ADAMTS2: variants seen among roughly 807,000 people sequenced by gnomAD.
The protein encoded by ADAMTS2 is A disintegrin and metalloproteinase with thrombospondin motifs 2.
A neutral mutation model predicts 123.0 loss-of-function variants in ADAMTS2; 50 were observed. The observed-to-expected ratio is 0.41, with a 90% CI of 0.32 to 0.51. The LOEUF is 0.51. Ranked by LOEUF, ADAMTS2 falls within the 20% of genes least tolerant of loss-of-function variation. ADAMTS2 has a pLI of 0.35. For synonymous variants in ADAMTS2, 678 were observed against 695.4 expected, an observed-to-expected ratio of 0.98 and a Z score of 0.39; for missense variants, 1,494 against 1,705.2, an observed-to-expected ratio of 0.88 and a Z score of 2.18.
intron 3 of ADAMTS2, among the ~76,000 whole-genome samples, chr5:179,220,680 T>C (rs1400949988): frequency 6.6e-6 from 1 of 152,172 alleles, no homozygotes; most frequent in Non-Finnish European, 1.5e-5. Context: ...CCCTCTGTAC[T>C]GCCCACGCTC....
chr5:179,122,159 C>T (rs1448111646), intron 20 of ADAMTS2, among the ~76,000 whole-genome samples: 2 of 152,162 alleles, frequency 1.3e-5, no homozygotes, highest in Admixed American at 6.5e-5. Flanking sequence ...GGTGCCTAGA[C>T]CCCCCAGAGC....
In ADAMTS2 at chr5:179,180,326, C is replaced by T. The variant is rs533648258; in HGVS notation, c.975+746G>A. Among the ~76,000 whole-genome samples, 49 of 152,230 alleles carry T rather than the reference C, an allele frequency of 3.2e-4. No individual in the cohort carries two copies. Among genetic ancestry groups the T allele is most frequent in the Middle Eastern group, 3.4e-3 (1 of 294 alleles). ...GGTTTGGCTGCAAGAGGAAGTGGGACGGGCAAGAGAGCCCAGCTGGGACAG... is the reference window on the plus strand; with the variant it reads ...GGTTTGGCTGCAAGAGGAAGTGGGATGGGCAAGAGAGCCCAGCTGGGACAG... On this transcript the variant is annotated intron_variant, in intron 5 of 21. Transcript: ENST00000251582. The surrounding 1 kb of genome is among the most constrained non-coding windows in gnomAD (Gnocchi z 4.6).
chr5:179,279,129 T>C (rs1766822948), intron 2 of ADAMTS2, among the ~76,000 whole-genome samples: 1 of 151,980 alleles, frequency 6.6e-6, no homozygotes, highest in African/African-American at 2.4e-5. Flanking sequence ...CTCCCACCTG[T>C]GTATGACTGG....
At chr5:179,138,004 T>A (rs993216679) in intron 11 of ADAMTS2, 60 bp from the exon 12 acceptor site, 2 of 1,518,936 alleles carry the variant, frequency 1.3e-6, no homozygotes, top group Middle Eastern at 3.4e-4. Flanking sequence ...AGCACCCGGG[T>A]GCCCTTGTGA....
At chr5:179,327,469 G>A (rs1237544309) in intron 2 of ADAMTS2, among the ~76,000 whole-genome samples, 3 of 152,174 alleles carry the variant, frequency 2.0e-5, no homozygotes, top group Admixed American at 1.3e-4. Context: ...TGCATGCCCG[G>A]TGCACTGCTC....
chr5:179,263,825 C>A lies in ADAMTS2; in HGVS notation c.688+9086G>T, dbSNP rs1006872235. ...ACGCCAGCACGCCCATCTGACTGCGCGACCTTTCCCCGCTCAGAGCTCCTT... is the reference window on the plus strand; with the variant it reads ...ACGCCAGCACGCCCATCTGACTGCGAGACCTTTCCCCGCTCAGAGCTCCTT... On this transcript the variant is annotated intron_variant, in intron 3 of 21. Coordinates refer to ENST00000251582, the MANE Select transcript of ADAMTS2 (RefSeq NM_014244.5). Among the ~76,000 whole-genome samples the A allele has an allele frequency of 2.0e-5, 3 of 152,356 alleles. No homozygotes were observed. The East Asian group carries it at 5.8e-4, about 29-fold the overall frequency.
chr5:179,220,895 C>A (rs546009316), intron 3 of ADAMTS2, among the ~76,000 whole-genome samples: 1 of 152,152 alleles, frequency 6.6e-6, no homozygotes, highest in African/African-American at 2.4e-5. Context: ...CCAACACAAG[C>A]GGGAGGTCTC....
intron 4 of ADAMTS2, among the ~76,000 whole-genome samples, chr5:179,198,365 T>C (rs1394213452): frequency 6.6e-6 from 1 of 152,128 alleles, no homozygotes; most frequent in African/African-American, 2.4e-5. Flanking sequence ...TCTCACTCCA[T>C]CCTCCTAGCC....
At chr5:179,248,218 C>G (rs192769098) in intron 3 of ADAMTS2, among the ~76,000 whole-genome samples, 1 of 152,074 alleles carries the variant, frequency 6.6e-6, no homozygotes, top group East Asian at 1.9e-4. Flanking sequence ...CCAATAAGAC[C>G]ATAGCTTTTA....
intron 5 of ADAMTS2, among the ~76,000 whole-genome samples, chr5:179,160,577 T>C (rs774063622): frequency 1.3e-5 from 2 of 152,224 alleles, no homozygotes; most frequent in Non-Finnish European, 2.9e-5. Context: ...ACTGACAAGA[T>C]GGCAGACCAA....
Position 179,344,174 on chromosome 5 carries a change from G to A in ADAMTS2, c.140-13C>T, listed in dbSNP as rs767848720. The A allele has an allele frequency of 2.3e-5, 37 of 1,589,348 alleles. No individual in the cohort carries two copies. Among genetic ancestry groups the A allele is most frequent in the Non-Finnish European group, 1.9e-5 (22 of 1,170,022 alleles). On this transcript the variant is annotated splice_polypyrimidine_tract_variant and intron_variant, in intron 1 of 21. Coordinates refer to ENST00000251582, the MANE Select transcript of ADAMTS2 (RefSeq NM_014244.5). ...CCCAGGGGCCCGCCTGCAACGGGAAGGGGCGTTAGATCGGCGGAGACCACG... is the reference window on the plus strand; with the variant it reads ...CCCAGGGGCCCGCCTGCAACGGGAAAGGGCGTTAGATCGGCGGAGACCACG...
chr5:179,257,354 C>A (rs1304159030), intron 3 of ADAMTS2, among the ~76,000 whole-genome samples: 1 of 152,234 alleles, frequency 6.6e-6, no homozygotes, highest in African/African-American at 2.4e-5. Context: ...GCTGCGGGGG[C>A]CTGGAGGACA....
At chr5:179,294,000 G>C (rs566717710) in intron 2 of ADAMTS2, among the ~76,000 whole-genome samples, 1 of 152,098 alleles carries the variant, frequency 6.6e-6, no homozygotes, top group African/African-American at 2.4e-5. Flanking sequence ...CTGGGAACTG[G>C]GGCCTGCAAT....
At chr5:179,241,635 C>A (rs1295076667) in intron 3 of ADAMTS2, among the ~76,000 whole-genome samples, 1 of 152,148 alleles carries the variant, frequency 6.6e-6, no homozygotes, top group Non-Finnish European at 1.5e-5. Flanking sequence ...TTCCTTTGGG[C>A]AGAATTCAAG....
At chr5:179,231,015 A>T (rs1363375367) in intron 3 of ADAMTS2, among the ~76,000 whole-genome samples, 2 of 152,104 alleles carry the variant, frequency 1.3e-5, no homozygotes, top group African/African-American at 4.8e-5. Flanking sequence ...AGTCTCAAAA[A>T]AAAAAAGCCG....
intron 3 of ADAMTS2, among the ~76,000 whole-genome samples, chr5:179,266,938 C>T (rs1766386314): frequency 6.6e-6 from 1 of 152,194 alleles, no homozygotes; most frequent in Non-Finnish European, 1.5e-5. Context: ...CACCAGCCTC[C>T]CTCACACTGC....
chr5:179,146,152 G>A (rs1763246282), intron 10 of ADAMTS2, among the ~76,000 whole-genome samples: 1 of 152,176 alleles, frequency 6.6e-6, no homozygotes, highest in African/African-American at 2.4e-5. Context: ...ACTGCACCCG[G>A]CCTGTACACT....
intron 3 of ADAMTS2, among the ~76,000 whole-genome samples, chr5:179,230,453 C>A (rs1207670577): frequency 6.6e-6 from 1 of 152,182 alleles, no homozygotes; most frequent in African/African-American, 2.4e-5. Context: ...CAGGGCAAGA[C>A]CCAGCCTCAA....
chr5:179,167,377 C>T (rs1581164926), intron 5 of ADAMTS2, among the ~76,000 whole-genome samples: 2 of 152,112 alleles, frequency 1.3e-5, no homozygotes, highest in African/African-American at 4.8e-5. Context: ...CCCCAGCGGC[C>T]CCAAGACAGC....
Sources: gnomAD v4.1 joint callset for allele counts (sites outside exome capture counted in the v4.1 genomes callset) on GRCh38, gnomAD v4.1.1 for gene constraint, Gnocchi (gnomAD v3.1) non-coding constraint, MANE v1.5 for transcripts, NCBI Gene and HGNC (gene_info 2026-07-23, HGNC 2026-07-21) for gene names.